SMAD9: variants seen among roughly 807,000 people sequenced by gnomAD.
SMAD9 encodes the protein MAD homolog 9.
A neutral mutation model predicts 46.1 loss-of-function variants in SMAD9; 36 were observed. That is an observed-to-expected ratio of 0.78 (90% CI 0.60 to 1.03). SMAD9 has a LOEUF of 1.03. Among genes scored for constraint, SMAD9 ranks in the 50% least tolerant of loss-of-function variants. SMAD9 has a pLI of 0.00. For synonymous variants in SMAD9, 245 were observed against 237.1 expected (o/e 1.03, Z -0.31); for missense variants, 572 against 599.8 (o/e 0.95, Z 0.48).
chr13:36,859,232 A>G (rs1253101909), intron 5 of SMAD9, among the ~76,000 whole-genome samples: 2 of 152,168 alleles, frequency 1.3e-5, no homozygotes, highest in African/African-American at 4.8e-5. Flanking sequence ...GAGGCAGAAC[A>G]AAAGGACTAT....
intron 6 of SMAD9, among the ~76,000 whole-genome samples, chr13:36,852,782 T>A (rs1021278540): frequency 3.9e-5 from 6 of 152,202 alleles, no homozygotes; most frequent in African/African-American, 1.4e-4. Context: ...CACTGAGTGA[T>A]AACAGTGCTT....
At chr13:36,893,114 T>A (rs1333818953) in intron 1 of SMAD9, among the ~76,000 whole-genome samples, 4 of 152,126 alleles carry the variant, frequency 2.6e-5, no homozygotes, top group Admixed American at 6.5e-5. Context: ...AAGTTGAAAT[T>A]TGTATATTAT....
chr13:36,905,774 CAAAAAAAAA>C (rs60358673), intron 1 of SMAD9, among the ~76,000 whole-genome samples: 28 of 66,430 alleles, frequency 4.2e-4, no homozygotes, highest in African/African-American at 8.7e-4. Flanking sequence ...GACCCTGTCT[CAAAAAAAAA>C]AAAAAAAAAA....
At chr13:36,875,310 A>C (rs763721290) in intron 2 of SMAD9, among the ~76,000 whole-genome samples, 1 of 152,250 alleles carries the variant, frequency 6.6e-6, no homozygotes, top group South Asian at 2.1e-4. Flanking sequence ...CCATACATCT[A>C]TCTCTTTCTT....
chr13:36,915,580 A>T (rs2058692825), intron 1 of SMAD9, among the ~76,000 whole-genome samples: 2 of 152,334 alleles, frequency 1.3e-5, no homozygotes, highest in South Asian at 4.1e-4. Flanking sequence ...TTGATATTTA[A>T]TATCTAAAAA....
At chr13:36,914,580 T>C (rs1305907535) in intron 1 of SMAD9, among the ~76,000 whole-genome samples, 4 of 152,096 alleles carry the variant, frequency 2.6e-5, no homozygotes, top group African/African-American at 7.2e-5. Context: ...ACTCCTCCTC[T>C]CAGCCAAACT....
intron 1 of SMAD9, among the ~76,000 whole-genome samples, chr13:36,897,714 A>C (rs528686983): frequency 6.1e-4 from 93 of 152,300 alleles, no homozygotes; most frequent in Admixed American, 1.2e-3. Flanking sequence ...CTCTTACTTG[A>C]TTGGGTAAAA....
chr13:36,883,498 C>T (rs1003320234), intron 1 of SMAD9, among the ~76,000 whole-genome samples: 1 of 152,206 alleles, frequency 6.6e-6, no homozygotes, highest in Non-Finnish European at 1.5e-5. Flanking sequence ...CGCCTGTAAT[C>T]CCAGCACTTT....
intron 1 of SMAD9, among the ~76,000 whole-genome samples, chr13:36,902,804 TTTA>T (rs776562136): frequency 6.6e-6 from 1 of 151,928 alleles, no homozygotes; most frequent in Admixed American, 6.6e-5. Context: ...TTAAAAATTA[TTTA>T]TTGTTTCTTT....
intron 1 of SMAD9, among the ~76,000 whole-genome samples, chr13:36,908,391 A>C (rs923474955): frequency 3.3e-5 from 5 of 152,262 alleles, no homozygotes; most frequent in African/African-American, 1.2e-4. Flanking sequence ...TTCTGAAAGA[A>C]GACAGAAATA....
intron 4 of SMAD9, among the ~76,000 whole-genome samples, chr13:36,866,014 A>G (rs2058230784): frequency 1.3e-5 from 2 of 152,130 alleles, no homozygotes; most frequent in South Asian, 4.1e-4. Flanking sequence ...ATAAATGTGT[A>G]TTGGTCATGA....
chr13:36,858,331 A>G (rs1247523698), intron 5 of SMAD9, among the ~76,000 whole-genome samples: 1 of 152,202 alleles, frequency 6.6e-6, no homozygotes, highest in African/African-American at 2.4e-5. Context: ...ACCACTGCAA[A>G]CCAGGGTTTG....
In SMAD9 at chr13:36,879,671, T is replaced by G; in HGVS notation, c.19A>C (p.Ile7Leu). 1 of 1,614,040 alleles carries G rather than the reference T, an allele frequency of 6.2e-7. No homozygotes were observed. The highest frequency in any genetic ancestry group is 1.1e-5 in the South Asian group (1 of 91,074). The change falls in exon 2 of 7, where the codon ATC becomes CTC. Residue 7 changes from isoleucine (I) to leucine (L), a missense_variant. Physicochemically the swap from Ile to Leu is conservative, Grantham distance 5. Coordinates refer to ENST00000379826, the MANE Select transcript of SMAD9 (RefSeq NM_001127217.3). Reference protein sequence around the residue: MHSTTPISSLFSFTSPA... With the variant: MHSTTPLSSLFSFTSPA... ...CTGGTGAAGGAGAAGAGGGAGCTGA[T>G]GGGGGTGGTGGAGTGCATAAGAGGC... is the stretch of plus-strand genomic sequence containing the variant.
At position 36,879,832 on chromosome 13, in the gene SMAD9, AGTGTGTTGAC is replaced by A; in HGVS notation, c.-153_-144del. On this transcript the variant is annotated 5_prime_UTR_variant, in exon 2 of 7. Coordinates refer to ENST00000379826, the MANE Select transcript of SMAD9 (RefSeq NM_001127217.3). ...CAGCTGGGACCAATTCAAGTTGCGAAGTGTGTTGACTTTCTCCTAAGCCCTTGAACAGGGT... is the reference window on the plus strand; with the variant it reads ...CAGCTGGGACCAATTCAAGTTGCGAATTTCTCCTAAGCCCTTGAACAGGGT... 1.2e-6 allele frequency: 1 copy of A among 862,774 alleles called. No individual in the cohort carries two copies. The allele number at this position is 862,774 out of a possible 1,614,324, so 53.4% of individuals were successfully genotyped here.
At chr13:36,903,066 G>A (rs750186005) in intron 1 of SMAD9, among the ~76,000 whole-genome samples, 2 of 151,878 alleles carry the variant, frequency 1.3e-5, no homozygotes, top group Non-Finnish European at 2.9e-5. Flanking sequence ...TGGCAGGGAG[G>A]AGGGGAGGCC....
chr13:36,861,147 A>G (rs1443181080), intron 5 of SMAD9, among the ~76,000 whole-genome samples: 1 of 152,182 alleles, frequency 6.6e-6, no homozygotes, highest in Non-Finnish European at 1.5e-5. Flanking sequence ...CCACTAGAGA[A>G]AACAAAACTC....
At chr13:36,888,224 G>A (rs191804225) in intron 1 of SMAD9, among the ~76,000 whole-genome samples, 2 of 152,328 alleles carry the variant, frequency 1.3e-5, no homozygotes, top group East Asian at 3.9e-4. Context: ...TCTGGTGGGA[G>A]GTGATTAGAT....
chr13:36,911,551 G>A (rs1170600410), intron 1 of SMAD9, among the ~76,000 whole-genome samples: 1 of 142,808 alleles, frequency 7.0e-6, no homozygotes, highest in African/African-American at 2.5e-5. Context: ...ATGATGTGTG[G>A]GCAATTTTTA....
At chr13:36,898,387 G>T (rs1372568669) in intron 1 of SMAD9, among the ~76,000 whole-genome samples, 1 of 151,704 alleles carries the variant, frequency 6.6e-6, no homozygotes, top group African/African-American at 2.4e-5. Context: ...GAATACAAAG[G>T]AGCAAACAGT....
Sources: gnomAD v4.1 joint callset for allele counts (sites outside exome capture counted in the v4.1 genomes callset) on GRCh38, gnomAD v4.1.1 for gene constraint, MANE v1.5 for transcripts, NCBI Gene and HGNC (gene_info 2026-07-23, HGNC 2026-07-21) for gene names.